Variants in DPP10 observed in about 807,000 individuals in gnomAD.
The protein encoded by DPP10 is dipeptidyl peptidase like 10, also known as inactive dipeptidyl peptidase 10.
Under a neutral mutation model 120.9 loss-of-function variants are expected in DPP10, and 33 were observed. That is an observed-to-expected ratio of 0.27 (90% CI 0.21 to 0.37). The LOEUF (loss-of-function observed/expected upper bound fraction) is 0.37. DPP10 is among the 10% of genes least tolerant of loss of function. The pLI is 1.00. For synonymous variants in DPP10, 337 were observed against 326.1 expected (o/e 1.03, Z -0.36); for missense variants, 816 against 942.8 (o/e 0.87, Z 1.76).
chr2:115,217,644 A>G (rs1406520749), intron 1 of DPP10, among the ~76,000 whole-genome samples: 10 of 152,134 alleles, frequency 6.6e-5, no homozygotes, highest in Admixed American at 5.9e-4. Context: ...TTTTACTTCA[A>G]TTTCATCATC....
rs554560435 is a variant in DPP10 at position 115,440,589 on chromosome 2, G to C, written c.272-58921G>C. On this transcript the variant is annotated intron_variant, in intron 3 of 25. Coordinates refer to ENST00000410059, the MANE Select transcript of DPP10 (RefSeq NM_020868.6). ...GACGGCTAACGCTCAAAATTCTCTC[G>C]GCCCCGAGGAAGGGGCTTGATTAAC... 3.5e-5 allele frequency among the ~76,000 whole-genome samples: 5 copies of C among 144,776 alleles called. No homozygotes were observed. The South Asian group carries it at 9.0e-4, about 26-fold the overall frequency. The allele number at this position is 144,776 out of a possible 152,430, so 95.0% of individuals were successfully genotyped here. A position where few individuals can be genotyped will look rare whatever the true frequency, so the allele number is the denominator to read the frequency against.
chr2:114,660,185 T>C (rs1021295219), intron 1 of DPP10, among the ~76,000 whole-genome samples: 23 of 152,224 alleles, frequency 1.5e-4, no homozygotes, highest in Admixed American at 1.3e-4. Flanking sequence ...GTGGGCTATA[T>C]CGTGTTTCCT....
intron 1 of DPP10, among the ~76,000 whole-genome samples, chr2:115,195,064 T>C (rs2055165569): frequency 1.3e-5 from 2 of 152,176 alleles, no homozygotes; most frequent in African/African-American, 4.8e-5. Context: ...TGTGCGCTCA[T>C]GATGATCACT....
chr2:115,841,945 G>A (rs1434522657), intron 25 of DPP10, among the ~76,000 whole-genome samples: 1 of 152,132 alleles, frequency 6.6e-6, no homozygotes, highest in Non-Finnish European at 1.5e-5. Flanking sequence ...GTCAAGCTGA[G>A]GGCAAGGTTA....
intron 1 of DPP10, among the ~76,000 whole-genome samples, chr2:115,168,350 G>A (rs1419920630): frequency 6.6e-6 from 1 of 152,166 alleles, no homozygotes; most frequent in Non-Finnish European, 1.5e-5. Context: ...AAGGTTGGAG[G>A]TTTTTCCATC....
chr2:115,178,594 A>G (rs945642387), intron 1 of DPP10, among the ~76,000 whole-genome samples: 1 of 152,222 alleles, frequency 6.6e-6, no homozygotes, highest in Non-Finnish European at 1.5e-5. Context: ...TATGATATGT[A>G]TGATTGCATG....
At chr2:115,105,560 G>A (rs1434194438) in intron 1 of DPP10, among the ~76,000 whole-genome samples, 1 of 152,168 alleles carries the variant, frequency 6.6e-6, no homozygotes, top group Admixed American at 6.5e-5. Context: ...TTCATGAGGA[G>A]TCTGCCCCGA....
chr2:115,469,662 G>A (rs995868112), intron 3 of DPP10, among the ~76,000 whole-genome samples: 1 of 152,096 alleles, frequency 6.6e-6, no homozygotes, highest in African/African-American at 2.4e-5. Flanking sequence ...ACTTTGGGAG[G>A]CCAAGGTGGG....
intron 1 of DPP10, among the ~76,000 whole-genome samples, chr2:114,572,572 C>T (rs190388079): frequency 2.8e-4 from 43 of 152,276 alleles, no homozygotes; most frequent in African/African-American, 8.9e-4. Context: ...TTCAATCTGT[C>T]CAGCTCCCGT....
intron 1 of DPP10, among the ~76,000 whole-genome samples, chr2:115,017,624 C>T (rs1178902332): frequency 1.3e-5 from 2 of 152,046 alleles, no homozygotes; most frequent in African/African-American, 2.4e-5. Flanking sequence ...CAGTGATAGA[C>T]TAGATTGAGA....
intron 1 of DPP10, among the ~76,000 whole-genome samples, chr2:115,255,220 A>G (rs763574612): frequency 6.6e-6 from 1 of 152,138 alleles, no homozygotes; most frequent in Non-Finnish European, 1.5e-5. Context: ...GCTCAACACC[A>G]TGTGGAAGCT....
At chr2:115,645,193 A>G (rs1016426724) in intron 5 of DPP10, among the ~76,000 whole-genome samples, 19 of 152,284 alleles carry the variant, frequency 1.2e-4, no homozygotes, top group Non-Finnish European at 1.3e-4. Flanking sequence ...GAATTCCTAA[A>G]CACTTTCCTT....
intron 1 of DPP10, among the ~76,000 whole-genome samples, chr2:115,078,823 T>G (rs1165569203): frequency 7.7e-6 from 1 of 129,316 alleles, no homozygotes; most frequent in Non-Finnish European, 1.7e-5. Flanking sequence ...GATAAATTAC[T>G]CAAGTTATCA....
At chr2:114,945,789 C>CT (rs1291105264) in intron 1 of DPP10, among the ~76,000 whole-genome samples, 1 of 152,154 alleles carries the variant, frequency 6.6e-6, no homozygotes, top group African/African-American at 2.4e-5. Flanking sequence ...GCACTCCAGC[C>CT]TGGGCAACAC....
At chr2:115,810,874 T>A (rs1418369530) in intron 19 of DPP10, among the ~76,000 whole-genome samples, 1 of 152,100 alleles carries the variant, frequency 6.6e-6, no homozygotes, top group Admixed American at 6.6e-5. Flanking sequence ...GAAACAAAAA[T>A]AACTAAATCA....
At position 114,884,883 on chromosome 2, in the gene DPP10, A is replaced by G. The variant is rs557858393; in HGVS notation, c.61-424356A>G. Among the ~76,000 whole-genome samples the G allele has an allele frequency of 1.2e-3, 176 of 152,300 alleles. 1 individual carries two copies. Among genetic ancestry groups the G allele is most frequent in the African/African-American group, 4.0e-3 (166 of 41,574 alleles). ...CCAATACAAGTTGGAGAGATTTTTT[A>G]TCAAAGAAAAACTACTGCTGCAAAC... On this transcript the variant is annotated intron_variant, in intron 1 of 25. Coordinates refer to ENST00000410059, the MANE Select transcript of DPP10 (RefSeq NM_020868.6).
At chr2:115,766,919 G>C (rs572500763) in intron 12 of DPP10, among the ~76,000 whole-genome samples, 1 of 152,288 alleles carries the variant, frequency 6.6e-6, no homozygotes, top group South Asian at 2.1e-4. Flanking sequence ...TCACCCCCGT[G>C]ATCCAGTCAC....
intron 3 of DPP10, among the ~76,000 whole-genome samples, chr2:115,360,282 T>C (rs1460218024): frequency 1.3e-5 from 2 of 152,206 alleles, no homozygotes; most frequent in South Asian, 2.1e-4. Flanking sequence ...AGGCATTTTG[T>C]TTTTATATTC....
intron 7 of DPP10, among the ~76,000 whole-genome samples, chr2:115,709,572 A>G (rs2092249162): frequency 6.6e-6 from 1 of 151,816 alleles, no homozygotes; most frequent in Non-Finnish European, 1.5e-5. Context: ...TACACGAAGA[A>G]TATTAAAAAG....
Sources: gnomAD v4.1 joint callset for allele counts (sites outside exome capture counted in the v4.1 genomes callset) on GRCh38, gnomAD v4.1.1 for gene constraint, MANE v1.5 for transcripts, NCBI Gene and HGNC (gene_info 2026-07-23, HGNC 2026-07-21) for gene names.